The following SLIT2 variants were observed in gnomAD, a reference collection of about 807,000 sequenced individuals.
SLIT2 encodes slit guidance ligand 2, also known as slit homolog 2 protein.
A neutral mutation model predicts 185.7 loss-of-function variants in SLIT2; 41 were observed. The observed-to-expected ratio is 0.22, with a 90% CI of 0.17 to 0.29. SLIT2 has a LOEUF of 0.29. SLIT2 is among the 10% of genes least tolerant of loss of function. The pLI, the probability that SLIT2 is intolerant of heterozygous loss-of-function variation, is 1.00. For synonymous variants in SLIT2, 693 were observed against 680.2 expected (o/e 1.02, Z -0.29); for missense variants, 1,571 against 1,909.0 (o/e 0.82, Z 3.30).
At chr4:20,563,016 C>G (rs982302132) in intron 26 of SLIT2, among the ~76,000 whole-genome samples, 2 of 151,604 alleles carry the variant, frequency 1.3e-5, no homozygotes, top group Non-Finnish European at 2.9e-5. Context: ...GTGTCAGGTG[C>G]GTAACTAGTG....
intron 4 of SLIT2, among the ~76,000 whole-genome samples, chr4:20,435,589 A>C (rs1208387504): frequency 1.3e-5 from 2 of 152,232 alleles, no homozygotes; most frequent in Non-Finnish European, 2.9e-5. Context: ...TGGAAAAAAC[A>C]GACATGCCTT....
intron 25 of SLIT2, among the ~76,000 whole-genome samples, chr4:20,551,351 A>C (rs1723732951): frequency 6.6e-6 from 1 of 152,180 alleles, no homozygotes; most frequent in African/African-American, 2.4e-5. Context: ...AAATAAATTC[A>C]ACATGGTTCG....
intron 4 of SLIT2, among the ~76,000 whole-genome samples, chr4:20,323,862 G>A (rs549188140): frequency 7.9e-5 from 12 of 152,214 alleles, no homozygotes; most frequent in African/African-American, 2.6e-4. Context: ...ACAGTATATT[G>A]CATATAGAAT....
At position 20,620,034 on chromosome 4, in the gene SLIT2, A is replaced by C. The variant is rs1729966233; in HGVS notation, c.*1025A>C. 6.0e-6 allele frequency: 1 copy of C among 167,874 alleles called. No homozygotes were observed. Among genetic ancestry groups the C allele is most frequent in the Non-Finnish European group, 1.3e-5 (1 of 77,936 alleles). 10.4% of individuals were successfully genotyped at this position (167,874 alleles called of 1,614,324 possible). ...TGTCAATGACCTACTGGCCTCATTC[A>C]GGACACCTGCAGAGAGTATGCAAAG... On this transcript the variant is annotated 3_prime_UTR_variant, in exon 37 of 37. Transcript: ENST00000504154.
intron 26 of SLIT2, among the ~76,000 whole-genome samples, chr4:20,561,324 C>T (rs1044915776): frequency 6.6e-6 from 1 of 151,710 alleles, no homozygotes; most frequent in African/African-American, 2.4e-5. Flanking sequence ...GTTAGGAATC[C>T]TCTAGATTCT....
At chr4:20,583,675 G>A (rs1040750580) in intron 29 of SLIT2, among the ~76,000 whole-genome samples, 11 of 152,122 alleles carry the variant, frequency 7.2e-5, no homozygotes, top group African/African-American at 2.7e-4. Flanking sequence ...TGGGCATGGT[G>A]GTGCGCACCT....
intron 4 of SLIT2, among the ~76,000 whole-genome samples, chr4:20,306,829 C>G (rs1250128737): frequency 6.6e-6 from 1 of 152,012 alleles, no homozygotes; most frequent in East Asian, 1.9e-4. Context: ...CTGGTATTTC[C>G]CCAACCAAAG....
intron 4 of SLIT2, among the ~76,000 whole-genome samples, chr4:20,341,589 G>C (rs1034305995): frequency 3.9e-5 from 6 of 152,210 alleles, no homozygotes; most frequent in African/African-American, 1.4e-4. Context: ...GAACACCACT[G>C]AGTCTGATCA....
chr4:20,488,771 TAAC>T, intron 7 of SLIT2, 45 bp from the exon 8 acceptor site: 1 of 1,427,382 alleles, frequency 7.0e-7, no homozygotes. Flanking sequence ...ATTAATGAAA[TAAC>T]GACTTTCTGT....
chr4:20,320,150 A>G (rs1439452811), intron 4 of SLIT2, among the ~76,000 whole-genome samples: 1 of 152,212 alleles, frequency 6.6e-6, no homozygotes, highest in African/African-American at 2.4e-5. Flanking sequence ...AAATCTACAG[A>G]TAAACATGAA....
At position 20,558,242 on chromosome 4, in the gene SLIT2, G is replaced by T. The variant is rs937246568; in HGVS notation, c.2725+4274G>T. Reference sequence around the variant, plus strand: ...ATCAAACAGCATCACATACTACAGAGAAATATCTGGTGAAAGGAAGAGTCA... The same window carrying T: ...ATCAAACAGCATCACATACTACAGATAAATATCTGGTGAAAGGAAGAGTCA... On this transcript the variant is annotated intron_variant, in intron 26 of 36. Transcript: ENST00000504154. 4.6e-5 allele frequency among the ~76,000 whole-genome samples: 7 copies of T among 152,036 alleles called. 1 individual carries two copies. Among genetic ancestry groups the T allele is most frequent in the African/African-American group, 1.7e-4 (7 of 41,342 alleles).
At chr4:20,446,419 G>A (rs1261447082) in intron 4 of SLIT2, among the ~76,000 whole-genome samples, 1 of 152,148 alleles carries the variant, frequency 6.6e-6, no homozygotes, top group Non-Finnish European at 1.5e-5. Flanking sequence ...GACAGATGAT[G>A]TAGAAAAAAG....
intron 1 of SLIT2, among the ~76,000 whole-genome samples, chr4:20,255,942 G>A (rs1711778050): frequency 6.6e-6 from 1 of 152,158 alleles, no homozygotes; most frequent in African/African-American, 2.4e-5. Context: ...TTTAGATCTT[G>A]ACCTGAAATG....
At chr4:20,436,376 T>C (rs1330322538) in intron 4 of SLIT2, among the ~76,000 whole-genome samples, 2 of 152,182 alleles carry the variant, frequency 1.3e-5, no homozygotes, top group East Asian at 3.9e-4. Flanking sequence ...CTCTAATGTA[T>C]AGAAAATCTG....
At chr4:20,445,739 A>C (rs1046781797) in intron 4 of SLIT2, among the ~76,000 whole-genome samples, 16 of 152,342 alleles carry the variant, frequency 1.1e-4, no homozygotes, top group African/African-American at 3.8e-4. Context: ...AAAATATAAG[A>C]AACATTGCGG....
intron 9 of SLIT2, among the ~76,000 whole-genome samples, chr4:20,507,069 T>G (rs1719275992): frequency 6.6e-6 from 1 of 152,014 alleles, no homozygotes; most frequent in Admixed American, 6.6e-5. Flanking sequence ...GAAGATCAGG[T>G]CCTTGGTACA....
At chr4:20,321,270 A>G (rs1289424373) in intron 4 of SLIT2, among the ~76,000 whole-genome samples, 3 of 152,200 alleles carry the variant, frequency 2.0e-5, no homozygotes, top group African/African-American at 7.2e-5. Flanking sequence ...TCACTCAGTC[A>G]TTGGATAGTC....
chr4:20,425,216 T>A (rs1356508479), intron 4 of SLIT2, among the ~76,000 whole-genome samples: 1 of 152,174 alleles, frequency 6.6e-6, no homozygotes, highest in East Asian at 1.9e-4. Context: ...ACAATAAGTT[T>A]TAATTTTTTC....
At chr4:20,534,357 G>T (rs1357342537) in intron 18 of SLIT2, among the ~76,000 whole-genome samples, 1 of 152,062 alleles carries the variant, frequency 6.6e-6, no homozygotes, top group African/African-American at 2.4e-5. Context: ...CTTGCTCAGG[G>T]GTAGGGTGTT....
Sources: allele counts gnomAD v4.1 joint callset (sites outside exome capture counted in the v4.1 genomes callset), GRCh38; gene constraint gnomAD v4.1.1; transcripts MANE v1.5; gene names NCBI Gene and HGNC (gene_info 2026-07-23, HGNC 2026-07-21).